Variants in LINGO2 observed in about 807,000 individuals in gnomAD.
LINGO2 encodes leucine-rich repeat and immunoglobulin-like domain-containing nogo receptor-interacting protein 2.
Under a neutral mutation model 30.6 loss-of-function variants are expected in LINGO2, and 14 were observed. That is an observed-to-expected ratio of 0.46 (90% CI 0.30 to 0.72). LINGO2 has a LOEUF of 0.72. LINGO2 is among the 30% of genes least tolerant of loss of function. The probability of loss-of-function intolerance (pLI) is 0.07; values close to 1 mark genes in which losing one functional copy is unlikely to be tolerated. For missense variants in LINGO2, 729 were observed against 751.7 expected (o/e 0.97, Z 0.35); for synonymous variants, 317 against 288.5 (o/e 1.10, Z -1.00).
intron 4 of LINGO2, among the ~76,000 whole-genome samples, chr9:28,157,645 T>C (rs1254161241): frequency 6.6e-6 from 1 of 152,196 alleles, no homozygotes; most frequent in Non-Finnish European, 1.5e-5. Flanking sequence ...TTCTGAACTT[T>C]TATGTTCTGC....
intron 4 of LINGO2, among the ~76,000 whole-genome samples, chr9:28,175,395 A>G (rs1828723224): frequency 6.6e-6 from 1 of 152,076 alleles, no homozygotes; most frequent in Non-Finnish European, 1.5e-5. Flanking sequence ...TTCTCCTTCC[A>G]AAGCTCTCAC....
intron 1 of LINGO2, among the ~76,000 whole-genome samples, chr9:28,483,210 G>C (rs1826044567): frequency 6.6e-6 from 1 of 152,010 alleles, no homozygotes; most frequent in African/African-American, 2.4e-5. Context: ...CATTTGTCTA[G>C]CTCTTCACTA....
the LINGO2 span, among the ~76,000 whole-genome samples, chr9:28,681,390 A>C: frequency 1.3e-5 from 2 of 151,972 alleles, no homozygotes; most frequent in African/African-American, 2.4e-5. Flanking sequence ...CAAAAATCCA[A>C]CCCCATACTG....
intron 4 of LINGO2, among the ~76,000 whole-genome samples, chr9:28,142,626 C>G (rs1827705818): frequency 6.6e-6 from 1 of 152,076 alleles, no homozygotes; most frequent in Non-Finnish European, 1.5e-5. Context: ...GAAAGAGAAT[C>G]TCAGTGTATA....
At chr9:28,799,939 C>A in the LINGO2 span, among the ~76,000 whole-genome samples, 1 of 151,888 alleles carries the variant, frequency 6.6e-6, no homozygotes, top group African/African-American at 2.4e-5. Flanking sequence ...AAATAAGAAC[C>A]ATTACAAAAA....
At chr9:27,967,958 A>G (rs1194473324) in intron 5 of LINGO2, among the ~76,000 whole-genome samples, 1 of 152,184 alleles carries the variant, frequency 6.6e-6, no homozygotes, top group Non-Finnish European at 1.5e-5. Flanking sequence ...CTGTAATAAC[A>G]TATTTTTTGC....
the LINGO2 span, among the ~76,000 whole-genome samples, chr9:28,703,672 T>C: frequency 6.6e-6 from 1 of 151,962 alleles, no homozygotes; most frequent in African/African-American, 2.4e-5. Context: ...GCTGGGTCTG[T>C]CCATTTTTGA....
intron 2 of LINGO2, among the ~76,000 whole-genome samples, chr9:28,447,478 A>G (rs866371867): frequency 1.3e-5 from 2 of 152,306 alleles, no homozygotes; most frequent in Middle Eastern, 6.8e-3. Flanking sequence ...ACTGTAAGAA[A>G]CATCTTTGCT....
At chr9:28,004,608 A>G (rs1822166044) in intron 5 of LINGO2, among the ~76,000 whole-genome samples, 2 of 150,792 alleles carry the variant, frequency 1.3e-5, no homozygotes, top group South Asian at 2.1e-4. Flanking sequence ...CTAATAGTTG[A>G]TAAATAGTGT....
intron 5 of LINGO2, among the ~76,000 whole-genome samples, chr9:27,990,329 ATAT>A (rs1821331761): frequency 1.3e-5 from 2 of 151,976 alleles, no homozygotes; most frequent in Non-Finnish European, 2.9e-5. Context: ...ATTTCTGTAT[ATAT>A]TATCATCACT....
chr9:29,161,097 G>A, the LINGO2 span, among the ~76,000 whole-genome samples: 1 of 152,240 alleles, frequency 6.6e-6, no homozygotes, highest in African/African-American at 2.4e-5. Flanking sequence ...ATGCCCAGAG[G>A]GAAAGAGTTA....
chr9:28,495,978 T>A (rs1819608543), intron 1 of LINGO2, among the ~76,000 whole-genome samples: 1 of 152,068 alleles, frequency 6.6e-6, no homozygotes, highest in South Asian at 2.1e-4. Context: ...TTTGAGTGAG[T>A]TTCTTAAAAC....
At chr9:29,180,949 T>G in the LINGO2 span, among the ~76,000 whole-genome samples, 2 of 152,096 alleles carry the variant, frequency 1.3e-5, no homozygotes, top group Non-Finnish European at 2.9e-5. Flanking sequence ...TTTGTAAAAT[T>G]GGTTGGGATT....
chr9:29,076,645 A>AT, the LINGO2 span, among the ~76,000 whole-genome samples: 168 of 147,192 alleles, frequency 1.1e-3, no homozygotes, highest in South Asian at 2.8e-3. Flanking sequence ...ATATATATAT[A>AT]AAATAAATTC....
At chr9:28,221,678 C>G (rs1460576126) in intron 4 of LINGO2, among the ~76,000 whole-genome samples, 1 of 152,058 alleles carries the variant, frequency 6.6e-6, no homozygotes, top group East Asian at 1.9e-4. Flanking sequence ...AACGACAAAA[C>G]TAAGATATTT....
intron 3 of LINGO2, among the ~76,000 whole-genome samples, chr9:28,354,121 G>A (rs1284717955): frequency 1.3e-5 from 2 of 151,858 alleles, no homozygotes; most frequent in African/African-American, 2.4e-5. Context: ...CCTGCACAAT[G>A]TGCACATGTA....
chr9:28,771,967 C>T, the LINGO2 span, among the ~76,000 whole-genome samples: 3 of 151,984 alleles, frequency 2.0e-5, no homozygotes, highest in Non-Finnish European at 2.9e-5. Context: ...AACTGAATGC[C>T]GTAGGAAGAC....
intron 1 of LINGO2, among the ~76,000 whole-genome samples, chr9:28,647,167 T>C (rs1340261395): frequency 1.3e-5 from 2 of 152,120 alleles, no homozygotes; most frequent in Non-Finnish European, 2.9e-5. Context: ...TTCAGTCTTT[T>C]AATACCTCTC....
At chr9:28,309,206 G>C (rs942111003) in intron 3 of LINGO2, among the ~76,000 whole-genome samples, 3 of 152,106 alleles carry the variant, frequency 2.0e-5, no homozygotes, top group Non-Finnish European at 4.4e-5. Flanking sequence ...AGATAGACTG[G>C]ATTAAGAAAA....
Sources: allele counts gnomAD v4.1 joint callset (sites outside exome capture counted in the v4.1 genomes callset), GRCh38; gene constraint gnomAD v4.1.1; transcripts MANE v1.5; gene names NCBI Gene and HGNC (gene_info 2026-07-23, HGNC 2026-07-21).